The following CSGALNACT1 variants were observed in gnomAD, a reference collection of about 807,000 sequenced individuals.
CSGALNACT1 encodes the protein beta4GalNAcT-1.
In CSGALNACT1, 52 loss-of-function variants were observed where a neutral mutation model predicts 51.0. The observed-to-expected ratio is 1.02, with a 90% confidence interval of 0.82 to 1.29. The LOEUF is 1.29. Among genes scored for constraint, CSGALNACT1 ranks in the 50% most tolerant of loss-of-function variants. CSGALNACT1 has a pLI of 0.00. For missense variants in CSGALNACT1, 935 were observed against 679.2 expected, an observed-to-expected ratio of 1.38 and a Z score of -4.19; for synonymous variants, 341 against 254.4, an observed-to-expected ratio of 1.34 and a Z score of -3.24.
chr8:19,639,506 TG>T (rs2056495890), intron 1 of CSGALNACT1, among the ~76,000 whole-genome samples: 1 of 152,222 alleles, frequency 6.6e-6, no homozygotes, highest in Non-Finnish European at 1.5e-5. Flanking sequence ...GAAACAGGTC[TG>T]TCACAAAACT....
At chr8:19,477,784 T>C (rs2070133313) in intron 4 of CSGALNACT1, among the ~76,000 whole-genome samples, 1 of 152,222 alleles carries the variant, frequency 6.6e-6, no homozygotes, top group African/African-American at 2.4e-5. Flanking sequence ...TTGTGAGGAC[T>C]GAAATACATA....
upstream of CSGALNACT1, among the ~76,000 whole-genome samples, chr8:19,686,964 C>T (rs1390016300): frequency 6.6e-6 from 1 of 152,174 alleles, no homozygotes; most frequent in African/African-American, 2.4e-5. Context: ...CAGAGCTTTC[C>T]ATCAGGACCA....
chr8:19,526,462 A>G (rs1198110294), intron 3 of CSGALNACT1, among the ~76,000 whole-genome samples: 3 of 152,188 alleles, frequency 2.0e-5, no homozygotes, highest in African/African-American at 7.2e-5. Flanking sequence ...ACGCGCCTGT[A>G]GTGCCAGCTA....
rs34491658 is a variant in CSGALNACT1, at chr8:19,416,109, C to CTTTTT, written c.1227+2542_1227+2546dup. On this transcript the variant is annotated intron_variant, in intron 8 of 9. Coordinates refer to ENST00000454498, the Ensembl canonical transcript of CSGALNACT1. Reference sequence around the variant, plus strand: ...TAACTTATTATTAAAGAAATGAAAACTTTTTTTTTTTTTTTTTTTTTCTGA... The same window carrying CTTTTT: ...TAACTTATTATTAAAGAAATGAAAACTTTTTTTTTTTTTTTTTTTTTTTTTTCTGA... 4.6e-4 allele frequency among the ~76,000 whole-genome samples: 54 copies of CTTTTT among 116,714 alleles called. 2 individuals are homozygous for CTTTTT. Among genetic ancestry groups the CTTTTT allele is most frequent in the East Asian group, 1.7e-3 (6 of 3,566 alleles). The allele number at this position is 116,714 out of a possible 152,430, so 76.6% of individuals were successfully genotyped here.
At chr8:19,702,116 G>C (rs1442521597) in intron 1 of CSGALNACT1, among the ~76,000 whole-genome samples, 1 of 152,088 alleles carries the variant, frequency 6.6e-6, no homozygotes, top group Non-Finnish European at 1.5e-5. Flanking sequence ...AGATGCCCTT[G>C]TTTCTGATCC....
At chr8:19,643,137 ATATAG>A (rs1332812124) in intron 1 of CSGALNACT1, among the ~76,000 whole-genome samples, 1 of 152,116 alleles carries the variant, frequency 6.6e-6, no homozygotes, top group African/African-American at 2.4e-5. Context: ...GTTATATGTT[ATATAG>A]TATATTATGA....
intron 2 of CSGALNACT1, among the ~76,000 whole-genome samples, chr8:19,599,204 G>T (rs551089631): frequency 1.3e-5 from 2 of 152,138 alleles, no homozygotes; most frequent in South Asian, 4.2e-4. Flanking sequence ...ACAGGAGCAT[G>T]GAGAGCCAAC....
chr8:19,445,673 A>G (rs2153782039), intron 5 of CSGALNACT1, among the ~76,000 whole-genome samples: 1 of 152,354 alleles, frequency 6.6e-6, no homozygotes, highest in Admixed American at 6.5e-5. Context: ...TGTACTGTGC[A>G]AAACTGAAAC....
At chr8:19,702,368 A>G (rs973643501) in intron 1 of CSGALNACT1, among the ~76,000 whole-genome samples, 3 of 151,842 alleles carry the variant, frequency 2.0e-5, no homozygotes, top group African/African-American at 7.3e-5. Flanking sequence ...TAAAATTTAA[A>G]TATTAGTTGA....
chr8:19,467,717 G>A (rs2067045228), intron 4 of CSGALNACT1, among the ~76,000 whole-genome samples: 1 of 152,136 alleles, frequency 6.6e-6, no homozygotes, highest in South Asian at 2.1e-4. Context: ...AGGCAGGGTG[G>A]CTCATGCCTG....
At chr8:19,553,616 A>AATACATATATATATATAT (rs2088811079) in intron 3 of CSGALNACT1, among the ~76,000 whole-genome samples, 1 of 85,710 alleles carries the variant, frequency 1.2e-5, no homozygotes, top group African/African-American at 7.5e-5. Context: ...TATGTATATA[A>AATACATATATATATATAT]ATACATATAT....
At chr8:19,559,394 T>C (rs2040199732) in intron 3 of CSGALNACT1, among the ~76,000 whole-genome samples, 1 of 152,140 alleles carries the variant, frequency 6.6e-6, no homozygotes, top group Admixed American at 6.5e-5. Context: ...ATGCTGACAA[T>C]TTCCATTTGA....
chr8:19,581,583 G>A (rs748999096), intron 3 of CSGALNACT1, among the ~76,000 whole-genome samples: 3 of 152,098 alleles, frequency 2.0e-5, no homozygotes, highest in Non-Finnish European at 2.9e-5. Context: ...CTCCAGCCTG[G>A]TGACAGAGTG....
chr8:19,709,789 G>A (rs1404770660), intron 1 of CSGALNACT1, among the ~76,000 whole-genome samples: 4 of 152,246 alleles, frequency 2.6e-5, no homozygotes, highest in African/African-American at 9.6e-5. Flanking sequence ...AAGTCCCCCA[G>A]GTATGTCTAA....
intron 1 of CSGALNACT1, among the ~76,000 whole-genome samples, chr8:19,743,624 T>C (rs1187620179): frequency 1.3e-5 from 2 of 152,234 alleles, no homozygotes; most frequent in Admixed American, 1.3e-4. Flanking sequence ...TGGTTTGATA[T>C]CTAAAAATAC....
chr8:19,697,630 G>A (rs967469023), intron 1 of CSGALNACT1, among the ~76,000 whole-genome samples: 2 of 152,140 alleles, frequency 1.3e-5, no homozygotes, highest in South Asian at 2.1e-4. Flanking sequence ...GAGCCCCCCT[G>A]TACAAGGTAC....
At chr8:19,468,035 G>C (rs1421704205) in intron 4 of CSGALNACT1, among the ~76,000 whole-genome samples, 1 of 152,120 alleles carries the variant, frequency 6.6e-6, no homozygotes, top group Non-Finnish European at 1.5e-5. Context: ...TGTGCTTTCA[G>C]GATTCACATT....
chr8:19,481,045 C>G (rs889776967), intron 4 of CSGALNACT1, among the ~76,000 whole-genome samples: 3 of 152,176 alleles, frequency 2.0e-5, no homozygotes, highest in African/African-American at 7.2e-5. Context: ...ATGTTGTCTA[C>G]TGCTGGAAAT....
chr8:19,691,854 A>G (rs1379244771), intron 1 of CSGALNACT1, among the ~76,000 whole-genome samples: 3 of 152,194 alleles, frequency 2.0e-5, no homozygotes, highest in African/African-American at 7.2e-5. Context: ...AGAAATGCAC[A>G]TCTCCAGCCC....
Sources: gnomAD v4.1 joint callset for allele counts (sites outside exome capture counted in the v4.1 genomes callset) on GRCh38, gnomAD v4.1.1 for gene constraint, MANE v1.5 for transcripts, NCBI Gene and HGNC (gene_info 2026-07-23, HGNC 2026-07-21) for gene names.